The following RP1 variants were observed in gnomAD, a reference collection of about 807,000 sequenced individuals.
RP1 encodes the protein oxygen-regulated protein 1.
A neutral mutation model predicts 14.8 loss-of-function variants in RP1; 16 were observed. That is an observed-to-expected ratio of 1.08 (90% CI 0.73 to 1.65). The LOEUF (loss-of-function observed/expected upper bound fraction) is 1.65, where lower values mean the gene tolerates loss of function less well. RP1 is among the 40% of genes most tolerant of loss of function. The probability of loss-of-function intolerance (pLI) is 0.00; values close to 1 mark genes in which losing one functional copy is unlikely to be tolerated. For missense variants in RP1, 2,631 were observed against 2,535.0 expected (o/e 1.04, Z -0.81); for synonymous variants, 876 against 883.6 (o/e 0.99, Z 0.15).
intron 24 of RP1, among the ~76,000 whole-genome samples, chr8:54,812,762 C>T (rs373779220): frequency 2.1e-5 from 3 of 145,272 alleles, no homozygotes; most frequent in African/African-American, 5.2e-5. Flanking sequence ...ATCTATCTAT[C>T]ATCTATCTAT....
exon 27 of RP1, chr8:54,857,045 T>C: frequency 8.4e-7 from 1 of 1,196,228 alleles, no homozygotes; most frequent in South Asian, 4.2e-5. Context: ...TTTTTTCCAT[T>C]AAGGCTGTAT....
At chr8:54,574,450 T>C (rs553002361) in intron 1 of RP1, among the ~76,000 whole-genome samples, 114 of 151,998 alleles carry the variant, frequency 7.5e-4, no homozygotes, top group Middle Eastern at 6.8e-3. Context: ...GGGTAGGTTT[T>C]GGGTAAGAAG....
chr8:54,668,966 G>A (rs1228702620), intron 7 of RP1, among the ~76,000 whole-genome samples: 1 of 152,110 alleles, frequency 6.6e-6, no homozygotes, highest in African/African-American at 2.4e-5. Flanking sequence ...ACATAGGCAT[G>A]GGCAAGGACT....
intron 1 of RP1, among the ~76,000 whole-genome samples, chr8:54,591,767 A>C (rs1805046892): frequency 6.6e-6 from 1 of 152,134 alleles, no homozygotes; most frequent in Non-Finnish European, 1.5e-5. Flanking sequence ...GTCAGCGGCC[A>C]GGTGGGTGGC....
chr8:54,661,462 G>C (rs1257125440), intron 6 of RP1, among the ~76,000 whole-genome samples: 1 of 151,292 alleles, frequency 6.6e-6, no homozygotes, highest in Non-Finnish European at 1.5e-5. Context: ...CTGAGTGACA[G>C]AACCAGATCC....
At chr8:54,708,651 G>C (rs2129345877) in intron 15 of RP1, among the ~76,000 whole-genome samples, 1 of 151,944 alleles carries the variant, frequency 6.6e-6, no homozygotes, top group South Asian at 2.1e-4. Flanking sequence ...GAGCCACTGA[G>C]CCCAGCTGAA....
At chr8:54,642,916 G>T (rs1806478103) in intron 3 of RP1, among the ~76,000 whole-genome samples, 1 of 152,148 alleles carries the variant, frequency 6.6e-6, no homozygotes, top group African/African-American at 2.4e-5. Flanking sequence ...TCTGATAGAT[G>T]AAAAACAATG....
At chr8:54,745,143 A>G (rs1809192345) in intron 19 of RP1, among the ~76,000 whole-genome samples, 1 of 152,224 alleles carries the variant, frequency 6.6e-6, no homozygotes, top group Non-Finnish European at 1.5e-5. Context: ...TTCAAAGAAC[A>G]CAATCTACCA....
chr8:54,776,936 T>C (rs1229842960), intron 23 of RP1, among the ~76,000 whole-genome samples: 1 of 152,188 alleles, frequency 6.6e-6, no homozygotes, highest in Non-Finnish European at 1.5e-5. Flanking sequence ...AGCTCTCACA[T>C]GCGGGTGTTG....
chr8:54,814,324 A>C (rs947290576), intron 24 of RP1, among the ~76,000 whole-genome samples: 12 of 152,206 alleles, frequency 7.9e-5, no homozygotes, highest in African/African-American at 2.9e-4. Context: ...TAAAGTGGAT[A>C]TCTGCAGAGA....
chr8:54,596,513 G>A (rs1356266995), intron 1 of RP1, among the ~76,000 whole-genome samples: 1 of 151,970 alleles, frequency 6.6e-6, no homozygotes, highest in Non-Finnish European at 1.5e-5. Flanking sequence ...ATAACTTTCA[G>A]ACATCACCAC....
intron 18 of RP1, among the ~76,000 whole-genome samples, chr8:54,735,540 C>G (rs1343562901): frequency 2.0e-5 from 3 of 152,156 alleles, no homozygotes; most frequent in African/African-American, 7.2e-5. Flanking sequence ...CTCATGTCAC[C>G]AGGAACCCAA....
At chr8:54,832,835 G>A (rs528273476) in intron 24 of RP1, among the ~76,000 whole-genome samples, 3 of 151,946 alleles carry the variant, frequency 2.0e-5, no homozygotes, top group African/African-American at 7.2e-5. Flanking sequence ...TTAGTCTTGA[G>A]AGAATCTTTT....
chr8:54,841,862 G>A (rs1182865818), intron 25 of RP1, among the ~76,000 whole-genome samples: 3 of 152,188 alleles, frequency 2.0e-5, no homozygotes, highest in South Asian at 4.1e-4. Flanking sequence ...GGTGAGGTTC[G>A]AGGCCACATC....
At chr8:54,794,656 C>A (rs919577376) in intron 24 of RP1, among the ~76,000 whole-genome samples, 1 of 151,908 alleles carries the variant, frequency 6.6e-6, no homozygotes, top group East Asian at 1.9e-4. Flanking sequence ...CCACTTTTCC[C>A]TATGTTTTGG....
At chr8:54,734,764 A>G in intron 18 of RP1, 4 of 1,512,870 alleles carry the variant, frequency 2.6e-6, no homozygotes, top group Non-Finnish European at 3.5e-6. Flanking sequence ...ACTGGCAGTA[A>G]TATTTTCCTG....
At chr8:54,645,023 AT>A (rs751908777) in intron 3 of RP1, among the ~76,000 whole-genome samples, 67 of 152,294 alleles carry the variant, frequency 4.4e-4, no homozygotes, top group Middle Eastern at 3.4e-3. Flanking sequence ...ATTAATTTAT[AT>A]CATAATTACA....
chr8:54,559,737 G>A (rs760126860), intron 1 of RP1, among the ~76,000 whole-genome samples: 21 of 152,274 alleles, frequency 1.4e-4, no homozygotes, highest in African/African-American at 4.3e-4. Flanking sequence ...TAGGTTTTCC[G>A]GAGGAGAGTG....
At chr8:54,768,666 A>G (rs972026231) in intron 22 of RP1, among the ~76,000 whole-genome samples, 7 of 152,192 alleles carry the variant, frequency 4.6e-5, no homozygotes, top group African/African-American at 1.7e-4. Context: ...CAACACTGCT[A>G]TGAGGCAGGT....
Sources: gnomAD v4.1 joint callset for allele counts (sites outside exome capture counted in the v4.1 genomes callset) on GRCh38, gnomAD v4.1.1 for gene constraint, MANE v1.5 for transcripts, NCBI Gene and HGNC (gene_info 2026-07-23, HGNC 2026-07-21) for gene names.